Variants in APBA2 observed in about 807,000 individuals in gnomAD.
The protein encoded by APBA2 is amyloid beta precursor protein binding family A member 2, also known as amyloid-beta A4 precursor protein-binding family A member 2.
APBA2 carries 30 observed loss-of-function variants against 75.0 expected under a neutral mutation model. That is an observed-to-expected ratio of 0.40 (90% CI 0.30 to 0.54). The LOEUF is 0.54. Ranked by LOEUF, APBA2 falls within the 20% of genes least tolerant of loss-of-function variation. APBA2 has a pLI of 0.49. For synonymous variants in APBA2, 444 were observed against 409.6 expected (o/e 1.08, Z -1.01); for missense variants, 801 against 1,016.1 (o/e 0.79, Z 2.88).
At chr15:29,009,648 A>C (rs1286896801) in intron 3 of APBA2, among the ~76,000 whole-genome samples, 2 of 144,816 alleles carry the variant, frequency 1.4e-5, no homozygotes, top group Non-Finnish European at 3.0e-5. Context: ...CAAATGTTTG[A>C]ATTTTTTTTT....
At chr15:28,922,222 G>A (rs1313876804) in intron 2 of APBA2, among the ~76,000 whole-genome samples, 4 of 152,164 alleles carry the variant, frequency 2.6e-5, no homozygotes, top group Admixed American at 2.6e-4. Context: ...GGCAGAAAGT[G>A]GGCAGGTTCT....
chr15:29,043,308 A>G (rs1463446755), intron 3 of APBA2, among the ~76,000 whole-genome samples: 1 of 152,190 alleles, frequency 6.6e-6, no homozygotes, highest in East Asian at 1.9e-4. Flanking sequence ...CAGATGTCTC[A>G]GCATATTGAA....
chr15:29,068,441 T>C (rs907412703), intron 4 of APBA2, among the ~76,000 whole-genome samples: 1 of 152,232 alleles, frequency 6.6e-6, no homozygotes, highest in African/African-American at 2.4e-5. Context: ...TGGGTGACTC[T>C]CCCTGGGCCG....
intron 3 of APBA2, among the ~76,000 whole-genome samples, chr15:29,024,093 G>A (rs1293853667): frequency 2.0e-5 from 3 of 151,438 alleles, no homozygotes; most frequent in Non-Finnish European, 4.4e-5. Flanking sequence ...TAGTAGAGAC[G>A]GGGTTTCACC....
chr15:28,917,577 C>T (rs1193917375), intron 1 of APBA2, among the ~76,000 whole-genome samples: 1 of 151,476 alleles, frequency 6.6e-6, no homozygotes, highest in Non-Finnish European at 1.5e-5. Flanking sequence ...TCCTGTACAC[C>T]CTCACCCCAT....
Position 28,991,497 on chromosome 15 carries a change from C to T in APBA2, c.-94-4256C>T, listed in dbSNP as rs566405834. 6.6e-6 allele frequency among the ~76,000 whole-genome samples: 1 copy of T among 152,216 alleles called. No homozygotes were observed. The highest frequency in any genetic ancestry group is 2.4e-5 in the African/African-American group (1 of 41,460). ...CAGCTGCCCGGCCCCACTGTGAGGC[C>T]GCCCCTTGCAGGTGAGTTCACTGGC... On this transcript the variant is annotated intron_variant, in intron 2 of 14. Transcript: ENST00000683413. This position sits in a 1 kb window ranked among gnomAD's most constrained non-coding sequence, Gnocchi z 4.7.
At chr15:29,009,287 C>T (rs775058812) in intron 3 of APBA2, among the ~76,000 whole-genome samples, 4 of 152,112 alleles carry the variant, frequency 2.6e-5, no homozygotes, top group African/African-American at 4.8e-5. Context: ...ACCCTCAGAA[C>T]GCGCACCTGG....
At chr15:29,034,855 A>G (rs2040666082) in intron 3 of APBA2, among the ~76,000 whole-genome samples, 1 of 152,184 alleles carries the variant, frequency 6.6e-6, no homozygotes, top group Admixed American at 6.5e-5. Flanking sequence ...GGTGACACTG[A>G]TGCTGCTGGC....
chr15:29,004,897 C>T (rs529148841), intron 3 of APBA2, among the ~76,000 whole-genome samples: 1 of 152,304 alleles, frequency 6.6e-6, no homozygotes, highest in East Asian at 1.9e-4. Flanking sequence ...CCAGGCTGGT[C>T]TCAAACTCCT....
intron 3 of APBA2, among the ~76,000 whole-genome samples, chr15:29,030,051 G>A (rs1270850120): frequency 6.6e-6 from 1 of 152,216 alleles, no homozygotes; most frequent in Non-Finnish European, 1.5e-5. Flanking sequence ...AAGGCTGCAG[G>A]GTTGCAGAAG....
intron 2 of APBA2, among the ~76,000 whole-genome samples, chr15:28,927,059 G>A (rs1331159705): frequency 6.6e-6 from 1 of 151,936 alleles, no homozygotes; most frequent in Non-Finnish European, 1.5e-5. Flanking sequence ...GTTTTACCAT[G>A]TTGTCCGTGG....
intron 4 of APBA2, among the ~76,000 whole-genome samples, chr15:29,067,708 G>A (rs897976943): frequency 6.6e-6 from 1 of 152,170 alleles, no homozygotes; most frequent in Non-Finnish European, 1.5e-5. Flanking sequence ...AAATATCCCA[G>A]ATATTCTACT....
At position 29,061,816 on chromosome 15, in the gene APBA2, C is replaced by G. The variant is rs981404183; in HGVS notation, c.951+6981C>G. On this transcript the variant is annotated intron_variant, in intron 4 of 14. Transcript: ENST00000683413. ...GTGTTCTGAGCCACGGCCTCACACACATGCCCCGCTGGGCAGCATATGAAG... is the reference window on the plus strand; with the variant it reads ...GTGTTCTGAGCCACGGCCTCACACAGATGCCCCGCTGGGCAGCATATGAAG... Among the ~76,000 whole-genome samples the G allele has an allele frequency of 1.3e-4, 20 of 152,346 alleles. 1 individual carries two copies. The highest frequency in any genetic ancestry group is 3.4e-3 in the Middle Eastern group (1 of 294).
At chr15:29,038,743 G>C in intron 3 of APBA2, among the ~76,000 whole-genome samples, 1 of 139,284 alleles carries the variant, frequency 7.2e-6, no homozygotes, top group Non-Finnish European at 1.5e-5. Flanking sequence ...AGGCCATCTT[G>C]GCTCGCTGCA....
At chr15:29,106,162 A>C (rs1376149173) in intron 11 of APBA2, among the ~76,000 whole-genome samples, 1 of 152,224 alleles carries the variant, frequency 6.6e-6, no homozygotes, top group Non-Finnish European at 1.5e-5. Context: ...AGGAAATAAA[A>C]GTAGAAGGAC....
chr15:28,887,062 G>A (rs1206787022), intron 1 of APBA2, among the ~76,000 whole-genome samples: 2 of 152,268 alleles, frequency 1.3e-5, no homozygotes, highest in Non-Finnish European at 2.9e-5. Flanking sequence ...GAGGACCGCC[G>A]TGGAGAGCAG....
intron 2 of APBA2, among the ~76,000 whole-genome samples, chr15:28,938,613 T>G (rs532567812): frequency 6.6e-6 from 1 of 152,238 alleles, no homozygotes; most frequent in Non-Finnish European, 1.5e-5. Context: ...GTTCAAGCGA[T>G]TTTCATGTCT....
chr15:28,969,430 T>G (rs1183112504), intron 2 of APBA2, among the ~76,000 whole-genome samples: 1 of 152,098 alleles, frequency 6.6e-6, no homozygotes, highest in Admixed American at 6.5e-5. Context: ...TCTGCCCACC[T>G]TGGCCTCCCA....
chr15:28,967,813 T>C (rs1398832435), intron 2 of APBA2, among the ~76,000 whole-genome samples: 1 of 152,246 alleles, frequency 6.6e-6, no homozygotes, highest in African/African-American at 2.4e-5. Context: ...ATGTATCATC[T>C]TAAGCATTGT....
Sources: gnomAD v4.1 joint callset for allele counts (sites outside exome capture counted in the v4.1 genomes callset) on GRCh38, gnomAD v4.1.1 for gene constraint, Gnocchi (gnomAD v3.1) non-coding constraint, MANE v1.5 for transcripts, NCBI Gene and HGNC (gene_info 2026-07-23, HGNC 2026-07-21) for gene names.